The following RAD50 variants were observed in gnomAD, a reference collection of about 807,000 sequenced individuals.
The protein encoded by RAD50 is RAD50 double strand break repair protein, also known as DNA repair protein RAD50.
A neutral mutation model predicts 168.8 loss-of-function variants in RAD50; 132 were observed. The observed-to-expected ratio is 0.78, with a 90% CI of 0.68 to 0.90. RAD50 has a LOEUF of 0.90. Among genes scored for constraint, RAD50 ranks in the 40% least tolerant of loss-of-function variants. The pLI is 0.00. For synonymous variants in RAD50, 525 were observed against 497.4 expected, an observed-to-expected ratio of 1.06 and a Z score of -0.74; for missense variants, 1,347 against 1,534.4, an observed-to-expected ratio of 0.88 and a Z score of 2.04.
At position 132,608,621 on chromosome 5, in the gene RAD50, A is replaced by G. The variant is rs753673450; in HGVS notation, c.2725A>G (p.Lys909Glu). ...QSLYREIKDA[K>E]EQVSPLETTL... ...ATCTTTTTTATATTTTTAGGATGCT[A>G]AAGAGCAGGTAAGCCCTTTGGAAAC... The change falls in exon 17 of 25, where the codon AAA becomes GAA. Residue 909 changes from lysine to glutamate, a missense_variant. Around this residue, in one of 3 missense-constraint regions of RAD50, gnomAD observed 635 missense variants for 739.2 expected, o/e 0.86. Transcript: ENST00000378823. 1.3e-6 allele frequency: 2 copies of G among 1,584,142 alleles called. No individual in the cohort carries two copies. The highest frequency in any genetic ancestry group is 3.4e-5 in the Admixed American group (2 of 58,448).
In RAD50 at chr5:132,579,898, T is replaced by G; in HGVS notation, c.588T>G (p.Arg196=). 6.2e-7 allele frequency: 1 copy of G among 1,613,112 alleles called. No homozygotes were observed. The highest frequency in any genetic ancestry group is 1.7e-4 in the Middle Eastern group (1 of 6,056). The stretch of plus-strand genomic sequence containing the variant: ...CCTTAGAAACACTTCGGCAGGTACG[T>G]CAGACACAAGGTCAGAAAGTAAAAG... The part of the protein sequence containing the change: ...IKALETLRQV[R]QTQGQKVKEY... The change falls in exon 5 of 25, where the codon CGT becomes CGG. Residue 196 remains arginine (R), a synonymous_variant. Transcript: ENST00000378823.
At chr5:132,591,792 TTAGTC>T (rs1254611126) in intron 10 of RAD50, 80 bp from the exon 11 acceptor site, 1 of 994,688 alleles carries the variant, frequency 1.0e-6, no homozygotes, top group Non-Finnish European at 1.5e-6. Context: ...GCTTAGAACT[TTAGTC>T]AGTCTAGAAT....
intron 13 of RAD50, 48 bp from the exon 14 acceptor site, chr5:132,603,252 C>T: frequency 6.6e-7 from 1 of 1,507,828 alleles, no homozygotes; most frequent in Non-Finnish European, 9.1e-7. Context: ...CTCAGTCTAA[C>T]TGTGAGAAAC....
chr5:132,599,701 G>A (rs1750852901), intron 13 of RAD50, among the ~76,000 whole-genome samples: 1 of 151,748 alleles, frequency 6.6e-6, no homozygotes, highest in Non-Finnish European at 1.5e-5. Context: ...AGGATTACAG[G>A]CATAAGCCAC....
intron 21 of RAD50, among the ~76,000 whole-genome samples, chr5:132,625,519 A>G (rs2149857236): frequency 6.6e-6 from 1 of 152,334 alleles, no homozygotes; most frequent in South Asian, 2.1e-4. Context: ...TGAGGTTTCC[A>G]TCACCTCAAG....
Position 132,604,840 on chromosome 5 carries a change from A to T in RAD50, c.2559A>T (p.Ile853=). 5 of 1,613,278 alleles carry T rather than the reference A, an allele frequency of 3.1e-6. No individual in the cohort carries two copies. The highest frequency in any genetic ancestry group is 4.2e-6 in the Non-Finnish European group (5 of 1,179,294). Residue 853 remains isoleucine, a synonymous_variant, in exon 16 of 25, where the codon ATA becomes ATT. Coordinates refer to ENST00000378823, the MANE Select transcript of RAD50 (RefSeq NM_005732.4). ...AGATTGAATTGAATCGTAAGCTTAT[A>T]CAGGACCAGCAGGAACAGATTCAAC... ...SSKIELNRKL[I]QDQQEQIQHL...
intron 1 of RAD50, among the ~76,000 whole-genome samples, chr5:132,557,748 C>T (rs751686567): frequency 1.5e-4 from 23 of 152,216 alleles, no homozygotes; most frequent in Non-Finnish European, 3.1e-4. Context: ...GCCCTTTGGT[C>T]TGTATTGATG....
intron 21 of RAD50, among the ~76,000 whole-genome samples, chr5:132,621,313 A>G (rs920487300): frequency 6.6e-6 from 1 of 152,138 alleles, no homozygotes; most frequent in African/African-American, 2.4e-5. Context: ...TAAAAACCAT[A>G]GCTTTAATGT....
At chr5:132,626,103 C>T (rs1418251885) in intron 21 of RAD50, among the ~76,000 whole-genome samples, 1 of 152,048 alleles carries the variant, frequency 6.6e-6, no homozygotes, top group Admixed American at 6.5e-5. Context: ...CTCCTGACCT[C>T]AAATGATCCA....
At chr5:132,638,961 A>G (rs1189203704) in intron 23 of RAD50, among the ~76,000 whole-genome samples, 3 of 152,178 alleles carry the variant, frequency 2.0e-5, no homozygotes, top group African/African-American at 4.8e-5. Flanking sequence ...ACTTGATAAC[A>G]CCTCTAGGCC....
At position 132,644,652 on chromosome 5, in the gene RAD50, T is replaced by C. The variant is rs1488356121; in HGVS notation, c.*2288T>C. Reference sequence around the variant, plus strand: ...GTTGCAGTTATCTTTCATTCCCAGCTTGGTCACTCCCTCTTATTTGTTGAA... The same window carrying C: ...GTTGCAGTTATCTTTCATTCCCAGCCTGGTCACTCCCTCTTATTTGTTGAA... On this transcript the variant is annotated 3_prime_UTR_variant, in exon 25 of 25. Transcript: ENST00000378823. 5.7e-6 allele frequency: 1 copy of C among 176,502 alleles called. No individual in the cohort carries two copies. Among genetic ancestry groups the C allele is most frequent in the Non-Finnish European group, 1.2e-5 (1 of 81,960 alleles). The allele number at this position is 176,502 out of a possible 1,614,324, so 10.9% of individuals were successfully genotyped here. A position where few individuals can be genotyped will look rare whatever the true frequency, so the allele number is the denominator to read the frequency against.
chr5:132,632,043 A>G (rs1212050825), intron 21 of RAD50, among the ~76,000 whole-genome samples: 1 of 152,134 alleles, frequency 6.6e-6, no homozygotes, highest in East Asian at 1.9e-4. Flanking sequence ...AATTTTAGGA[A>G]TGACTTCCAT....
At chr5:132,601,676 C>T (rs1018114164) in intron 13 of RAD50, among the ~76,000 whole-genome samples, 9 of 152,150 alleles carry the variant, frequency 5.9e-5, no homozygotes, top group African/African-American at 2.2e-4. Flanking sequence ...GACATGCACA[C>T]ATATGTTTAT....
intron 2 of RAD50, among the ~76,000 whole-genome samples, chr5:132,572,870 G>T (rs559034563): frequency 8.8e-4 from 134 of 152,258 alleles, no homozygotes; most frequent in African/African-American, 3.1e-3. Flanking sequence ...TTAAAGTCAA[G>T]TGATTGACAC....
At chr5:132,634,079 C>G (rs1212476621) in intron 21 of RAD50, among the ~76,000 whole-genome samples, 3 of 152,022 alleles carry the variant, frequency 2.0e-5, no homozygotes, top group Non-Finnish European at 4.4e-5. Flanking sequence ...ACTTTAGAGT[C>G]AGCTTATGGA....
At chr5:132,610,837 A>G (rs1288437674) in intron 19 of RAD50, among the ~76,000 whole-genome samples, 1 of 152,244 alleles carries the variant, frequency 6.6e-6, no homozygotes, top group African/African-American at 2.4e-5. Flanking sequence ...CGAAATTGTT[A>G]AGATTAATGA....
At position 132,638,074 on chromosome 5, in the gene RAD50, G is replaced by C. The variant is rs1283810116; in HGVS notation, c.3476-7G>C. On this transcript the variant is annotated splice_polypyrimidine_tract_variant and splice_region_variant and intron_variant, in intron 22 of 24. Coordinates refer to ENST00000378823, the MANE Select transcript of RAD50 (RefSeq NM_005732.4). ...GTTCCTCTAAAATATTCTTCTTCCTGTGTCAGATATTGAATACATAGAAAT... is the reference window on the plus strand; with the variant it reads ...GTTCCTCTAAAATATTCTTCTTCCTCTGTCAGATATTGAATACATAGAAAT... The C allele has an allele frequency of 6.2e-7, 1 of 1,613,620 alleles. No individual in the cohort carries two copies. The highest frequency in any genetic ancestry group is 8.5e-7 in the Non-Finnish European group (1 of 1,179,660).
At chr5:132,614,083 A>C (rs1181280747) in intron 19 of RAD50, among the ~76,000 whole-genome samples, 2 of 152,228 alleles carry the variant, frequency 1.3e-5, no homozygotes, top group African/African-American at 4.8e-5. Context: ...GTCTTTCAAA[A>C]CTAGAAGAAT....
At chr5:132,624,316 A>G (rs760151561) in intron 21 of RAD50, among the ~76,000 whole-genome samples, 1 of 152,240 alleles carries the variant, frequency 6.6e-6, no homozygotes, top group African/African-American at 2.4e-5. Flanking sequence ...AAACAAGAAC[A>G]TAAGCAAAAC....
Sources: allele counts gnomAD v4.1 joint callset (sites outside exome capture counted in the v4.1 genomes callset), GRCh38; gene constraint gnomAD v4.1.1; regional missense constraint gnomAD v4.1.1; transcripts MANE v1.5; gene names NCBI Gene and HGNC (gene_info 2026-07-23, HGNC 2026-07-21).